Variants in SPMIP7 observed in about 807,000 individuals in gnomAD.
SPMIP7 encodes the protein protein SPMIP7.
At chr7:50,107,362 CAA>C in the SPMIP7 span, among the ~76,000 whole-genome samples, 1 of 16,654 alleles carries the variant, frequency 6.0e-5, no homozygotes, top group African/African-American at 2.9e-4. Context: ...GACTCTGTCT[CAA>C]AAAAAAAAAA....
At chr7:50,105,228 G>A in the SPMIP7 span, among the ~76,000 whole-genome samples, 1 of 152,112 alleles carries the variant, frequency 6.6e-6, no homozygotes, top group Non-Finnish European at 1.5e-5. Context: ...TATATGTCAT[G>A]CATGATAAAA....
the SPMIP7 span, among the ~76,000 whole-genome samples, chr7:50,105,617 T>G: frequency 6.6e-6 from 1 of 152,206 alleles, no homozygotes; most frequent in Non-Finnish European, 1.5e-5. Context: ...AAAGTATATG[T>G]CCTCAATGCC....
At chr7:50,108,513 C>T in the SPMIP7 span, among the ~76,000 whole-genome samples, 1 of 152,160 alleles carries the variant, frequency 6.6e-6, no homozygotes, top group South Asian at 2.1e-4. Flanking sequence ...AGTCAACAAG[C>T]ATGTCAACTA....
At chr7:50,108,944 TAGAC>T in the SPMIP7 span, among the ~76,000 whole-genome samples, 1 of 152,198 alleles carries the variant, frequency 6.6e-6, no homozygotes, top group Non-Finnish European at 1.5e-5. Flanking sequence ...CTTAGCACCT[TAGAC>T]AGGTCATATC....
the SPMIP7 span, among the ~76,000 whole-genome samples, chr7:50,108,260 A>G: frequency 6.6e-6 from 1 of 152,322 alleles, no homozygotes; most frequent in South Asian, 2.1e-4. Flanking sequence ...CAATAGAGAG[A>G]AGATGCACCA....
the SPMIP7 span, among the ~76,000 whole-genome samples, chr7:50,147,603 A>G: frequency 6.6e-6 from 1 of 152,244 alleles, no homozygotes; most frequent in African/African-American, 2.4e-5. Flanking sequence ...CATATACAAT[A>G]CATATATTCT....
At chr7:50,108,168 A>G in the SPMIP7 span, among the ~76,000 whole-genome samples, 8,379 of 152,256 alleles carry the variant, frequency 0.055, 243 homozygotes, top group African/African-American at 0.081. Context: ...ACTGAATCAG[A>G]TTACAAGAAT....
chr7:50,129,368 C>G, the SPMIP7 span, among the ~76,000 whole-genome samples: 1 of 151,830 alleles, frequency 6.6e-6, no homozygotes, highest in Non-Finnish European at 1.5e-5. Flanking sequence ...TAACTAATCT[C>G]TTTATGTTAT....
the SPMIP7 span, among the ~76,000 whole-genome samples, chr7:50,137,785 C>T: frequency 6.6e-6 from 1 of 152,086 alleles, no homozygotes; most frequent in Non-Finnish European, 1.5e-5. Context: ...AAGTTTATGA[C>T]CTGTTTGAAT....
the SPMIP7 span, among the ~76,000 whole-genome samples, chr7:50,126,870 C>T: frequency 6.6e-6 from 1 of 151,756 alleles, no homozygotes; most frequent in African/African-American, 2.4e-5. Flanking sequence ...AAGGAAATCA[C>T]AAGCAGAAAA....
At chr7:50,104,393 T>G in the SPMIP7 span, 17 of 1,529,636 alleles carry the variant, frequency 1.1e-5, no homozygotes, top group Admixed American at 3.0e-4. Context: ...TTACATTTGA[T>G]GAGGAGGCAA....
the SPMIP7 span, among the ~76,000 whole-genome samples, chr7:50,155,859 A>G: frequency 6.6e-6 from 1 of 151,966 alleles, no homozygotes; most frequent in Non-Finnish European, 1.5e-5. Context: ...CTGCACATAC[A>G]GCTCTCATCC....
the SPMIP7 span, among the ~76,000 whole-genome samples, chr7:50,109,790 A>C: frequency 6.6e-6 from 1 of 152,220 alleles, no homozygotes; most frequent in Admixed American, 6.5e-5. Flanking sequence ...CATATGTAGA[A>C]TAACCCAAAA....
chr7:50,118,342 A>C, the SPMIP7 span, among the ~76,000 whole-genome samples: 1 of 152,186 alleles, frequency 6.6e-6, no homozygotes, highest in Non-Finnish European at 1.5e-5. Context: ...CATGATCCAA[A>C]TTATGAACAA....
At chr7:50,157,488 C>A in the SPMIP7 span, among the ~76,000 whole-genome samples, 54 of 152,268 alleles carry the variant, frequency 3.5e-4, no homozygotes, top group African/African-American at 1.3e-3. Context: ...TGCCTTCCCA[C>A]CTCTGCAGCC....
chr7:50,136,736 A>C, the SPMIP7 span, among the ~76,000 whole-genome samples: 1 of 152,112 alleles, frequency 6.6e-6, no homozygotes, highest in African/African-American at 2.4e-5. Context: ...CCTCACATGT[A>C]ATTTTCACAT....
At chr7:50,106,839 C>G in the SPMIP7 span, among the ~76,000 whole-genome samples, 1 of 152,316 alleles carries the variant, frequency 6.6e-6, no homozygotes, top group Non-Finnish European at 1.5e-5. Flanking sequence ...CATGGTGTCT[C>G]ACACCTGTAA....
chr7:50,098,010 G>C, the SPMIP7 span, among the ~76,000 whole-genome samples: 1 of 152,068 alleles, frequency 6.6e-6, no homozygotes, highest in Non-Finnish European at 1.5e-5. Context: ...TTTGTCCTAG[G>C]CTTTCAATGA....
the SPMIP7 span, among the ~76,000 whole-genome samples, chr7:50,130,769 G>A: frequency 1.3e-5 from 2 of 151,720 alleles, no homozygotes; most frequent in African/African-American, 4.8e-5. Flanking sequence ...AGTTGAGAGA[G>A]CAGCCATGCA....
Sources: gnomAD v4.1 joint callset for allele counts (sites outside exome capture counted in the v4.1 genomes callset) on GRCh38, gnomAD v4.1.1 for gene constraint, MANE v1.5 for transcripts, NCBI Gene and HGNC (gene_info 2026-07-23, HGNC 2026-07-21) for gene names.